TDRD5: variants seen among roughly 807,000 people sequenced by gnomAD.
The protein encoded by TDRD5 is tudor domain-containing protein 5.
A neutral mutation model predicts 120.6 loss-of-function variants in TDRD5; 41 were observed. The observed-to-expected ratio is 0.34, with a 90% CI of 0.26 to 0.44. The LOEUF (loss-of-function observed/expected upper bound fraction) is 0.44. Ranked by LOEUF, TDRD5 falls within the 20% of genes least tolerant of loss-of-function variation. The probability of loss-of-function intolerance (pLI) is 1.00; values close to 1 mark genes in which losing one functional copy is unlikely to be tolerated. For synonymous variants in TDRD5, 430 were observed against 433.7 expected, an observed-to-expected ratio of 0.99 and a Z score of 0.11; for missense variants, 1,006 against 1,221.2, an observed-to-expected ratio of 0.82 and a Z score of 2.63.
chr1:179,646,755 GTC>G (rs1034900800), intron 11 of TDRD5, among the ~76,000 whole-genome samples: 2 of 152,156 alleles, frequency 1.3e-5, no homozygotes, highest in Admixed American at 1.3e-4. Flanking sequence ...CTTCAGCAAA[GTC>G]TCAGGATACA....
intron 10 of TDRD5, 102 bp from the exon 11 acceptor site, chr1:179,640,277 G>A (rs751721546): frequency 6.6e-5 from 86 of 1,310,472 alleles, no homozygotes; most frequent in Non-Finnish European, 8.8e-5. Flanking sequence ...ATGAGATTAC[G>A]TTTTAGTCTC....
At chr1:179,656,266 T>G (rs1679000058) in intron 14 of TDRD5, among the ~76,000 whole-genome samples, 1 of 152,146 alleles carries the variant, frequency 6.6e-6, no homozygotes, top group Non-Finnish European at 1.5e-5. Flanking sequence ...CTTTTTCCCA[T>G]TTTTTTGATT....
intron 9 of TDRD5, among the ~76,000 whole-genome samples, chr1:179,636,296 A>G (rs527507645): frequency 2.0e-5 from 3 of 152,348 alleles, no homozygotes; most frequent in Admixed American, 2.0e-4. Flanking sequence ...CAGCTTTTTC[A>G]GAAAATTGTG....
chr1:179,652,392 A>G (rs954678190), intron 13 of TDRD5, among the ~76,000 whole-genome samples, 195 bp downstream of exon 13: 3 of 152,054 alleles, frequency 2.0e-5, no homozygotes, highest in South Asian at 2.1e-4. Context: ...TTGCTCTCAT[A>G]TAGTAAATTC....
At chr1:179,641,455 G>A (rs543911251) in intron 11 of TDRD5, among the ~76,000 whole-genome samples, 16 of 151,996 alleles carry the variant, frequency 1.1e-4, no homozygotes, top group African/African-American at 2.2e-4. Flanking sequence ...GCTTGAACCC[G>A]GGAGGCGGAG....
At chr1:179,687,967 C>T (rs1680837387) in intron 17 of TDRD5, among the ~76,000 whole-genome samples, 1 of 151,168 alleles carries the variant, frequency 6.6e-6, no homozygotes, top group African/African-American at 2.4e-5. Context: ...CTCATGAATA[C>T]AGCACACTGA....
At chr1:179,597,832 C>CAAATCT (rs377669222) in intron 4 of TDRD5, among the ~76,000 whole-genome samples, 12,966 of 152,222 alleles carry the variant, frequency 0.085, 710 homozygotes, top group African/African-American at 0.14. Context: ...TTGGCACCTC[C>CAAATCT]ATTCACCTCA....
At chr1:179,668,916 T>G (rs968250662) in intron 16 of TDRD5, among the ~76,000 whole-genome samples, 15 of 151,968 alleles carry the variant, frequency 9.9e-5, no homozygotes, top group East Asian at 7.8e-4. Flanking sequence ...CTAATTTTTT[T>G]TGTGTTTTTA....
chr1:179,657,806 C>A (rs909359113), intron 14 of TDRD5, among the ~76,000 whole-genome samples: 1 of 152,054 alleles, frequency 6.6e-6, no homozygotes. Context: ...ATGTATAAGT[C>A]AAGCTATTTA....
At chr1:179,630,213 G>A (rs1677358699) in intron 6 of TDRD5, among the ~76,000 whole-genome samples, 1 of 152,036 alleles carries the variant, frequency 6.6e-6, no homozygotes, top group Non-Finnish European at 1.5e-5. Flanking sequence ...TAGCCAGGAT[G>A]GTTTCGATCT....
At chr1:179,668,127 C>T (rs1187809825) in intron 16 of TDRD5, among the ~76,000 whole-genome samples, 1 of 152,144 alleles carries the variant, frequency 6.6e-6, no homozygotes, top group African/African-American at 2.4e-5. Context: ...TCAGCAATGA[C>T]TATATGGTAG....
At chr1:179,627,692 T>C (rs1248806979) in intron 6 of TDRD5, among the ~76,000 whole-genome samples, 1 of 152,184 alleles carries the variant, frequency 6.6e-6, no homozygotes, top group Non-Finnish European at 1.5e-5. Context: ...GGATAATAAT[T>C]GCAATATTTT....
intron 16 of TDRD5, among the ~76,000 whole-genome samples, chr1:179,668,728 G>T (rs556311038): frequency 1.4e-5 from 2 of 147,788 alleles, no homozygotes; most frequent in Admixed American, 7.0e-5. Context: ...TTTTTCTAGA[G>T]AGTATCTAGG....
At chr1:179,594,983 G>A (rs1572320311) in intron 3 of TDRD5, among the ~76,000 whole-genome samples, 1 of 152,092 alleles carries the variant, frequency 6.6e-6, no homozygotes, top group Admixed American at 6.6e-5. Context: ...TTTTGTTCAT[G>A]TTCTCCATCC....
At chr1:179,663,296 TG>T in intron 15 of TDRD5, 51 bp from the exon 16 acceptor site, 2 of 1,547,596 alleles carry the variant, frequency 1.3e-6, no homozygotes, top group South Asian at 1.2e-5. Context: ...ATCCTCTTTT[TG>T]GGTCATGTTG....
Position 179,690,878 on chromosome 1 carries a change from G to T in TDRD5, c.3043G>T (p.Ala1015Ser). The T allele has an allele frequency of 4.3e-6, 7 of 1,614,080 alleles. No individual in the cohort carries two copies. The highest frequency in any genetic ancestry group is 5.9e-6 in the Non-Finnish European group (7 of 1,180,008). The change falls in exon 18 of 18, where the codon GCA becomes TCA. Residue 1015 changes from alanine to serine, a missense_variant. Physicochemically the swap from Ala to Ser is moderately conservative, Grantham distance 99. Transcript: ENST00000444136. ...AGCCACTGCTGCCTTAGGTGCTGCC[G>T]CACGGTTAGCTACATCCAGGAGCCT... ...STATAALGAA[A>S]RLATSRSLLH...
intron 11 of TDRD5, among the ~76,000 whole-genome samples, chr1:179,648,597 TA>T (rs553600477): frequency 0.096 from 8,574 of 89,748 alleles, 347 homozygotes; most frequent in Non-Finnish European, 0.14. Context: ...AGTATAATAA[TA>T]AAAAAAAAAA....
At chr1:179,687,584 T>TGG (rs1680796826) in intron 17 of TDRD5, among the ~76,000 whole-genome samples, 1 of 152,176 alleles carries the variant, frequency 6.6e-6, no homozygotes, top group African/African-American at 2.4e-5. Flanking sequence ...CTGAGTTCAA[T>TGG]TCCTGGATAT....
chr1:179,596,739 C>T (rs1675413633), intron 4 of TDRD5, among the ~76,000 whole-genome samples: 1 of 152,150 alleles, frequency 6.6e-6, no homozygotes, highest in Non-Finnish European at 1.5e-5. Flanking sequence ...TGGGTTATTT[C>T]CTCTTTGGTC....
Sources: allele counts gnomAD v4.1 joint callset (sites outside exome capture counted in the v4.1 genomes callset), GRCh38; gene constraint gnomAD v4.1.1; transcripts MANE v1.5; gene names NCBI Gene and HGNC (gene_info 2026-07-23, HGNC 2026-07-21).